Variants in RGS6 observed in about 807,000 individuals in gnomAD.
RGS6 encodes regulator of G protein signaling 6.
In RGS6, 30 loss-of-function variants were observed where a neutral mutation model predicts 78.5. The observed-to-expected ratio is 0.38, with a 90% CI of 0.29 to 0.52. The LOEUF (loss-of-function observed/expected upper bound fraction) is 0.52. RGS6 is among the 20% of genes least tolerant of loss of function. The pLI is 0.85. For missense variants in RGS6, 495 were observed against 609.7 expected (o/e 0.81, Z 1.98); for synonymous variants, 206 against 206.0 (o/e 1.00, Z 0.00).
chr14:72,171,235 CAAGAGGCACAT>C lies in RGS6; in HGVS notation c.85-180859_85-180849del, dbSNP rs562464430. ...ATGCGTACATATGCACAGACACACACAAGAGGCACATGTACACATGTATGGACCTGTGCATG... is the reference window on the plus strand; with the variant it reads ...ATGCGTACATATGCACAGACACACACGTACACATGTATGGACCTGTGCATG... On this transcript the variant is annotated intron_variant, in intron 2 of 17. Transcript: ENST00000553525. Among the ~76,000 whole-genome samples, 54 of 152,192 alleles carry C rather than the reference CAAGAGGCACAT, an allele frequency of 3.5e-4. No individual in the cohort carries two copies. In the South Asian group the frequency reaches 0.011, roughly 32 times the overall value.
intron 12 of RGS6, among the ~76,000 whole-genome samples, chr14:72,488,403 G>C (rs574855074): frequency 2.6e-5 from 4 of 152,082 alleles, no homozygotes; most frequent in African/African-American, 9.6e-5. Flanking sequence ...TCTTATGTTG[G>C]GTGGTCACAA....
At chr14:72,537,441 T>C (rs1438249223) in intron 16 of RGS6, 13 of 701,684 alleles carry the variant, frequency 1.9e-5, no homozygotes, top group Non-Finnish European at 3.4e-5. Flanking sequence ...GGCCATGGAG[T>C]CTGAGAAAGG....
chr14:72,210,776 C>G (rs1484728437), intron 2 of RGS6, among the ~76,000 whole-genome samples: 1 of 152,078 alleles, frequency 6.6e-6, no homozygotes, highest in Non-Finnish European at 1.5e-5. Flanking sequence ...TCTAAAACTG[C>G]TGGCTACTCT....
intron 2 of RGS6, among the ~76,000 whole-genome samples, chr14:72,092,000 C>T (rs2095282274): frequency 1.1e-5 from 1 of 93,630 alleles, no homozygotes; most frequent in South Asian, 4.2e-4. Context: ...ATAGCTTCAG[C>T]CTTTTGTTTT....
chr14:72,040,923 A>C (rs2092343920), intron 2 of RGS6, among the ~76,000 whole-genome samples: 1 of 152,124 alleles, frequency 6.6e-6, no homozygotes, highest in Admixed American at 6.6e-5. Flanking sequence ...GTTCTTTTTT[A>C]AAATAGTTTC....
intron 2 of RGS6, among the ~76,000 whole-genome samples, chr14:71,972,887 C>CT (rs1417729085): frequency 6.6e-6 from 1 of 152,086 alleles, no homozygotes; most frequent in African/African-American, 2.4e-5. Flanking sequence ...TTTCCCTAGG[C>CT]TATATCTGTG....
chr14:72,190,187 T>C (rs1323993941), intron 2 of RGS6, among the ~76,000 whole-genome samples: 1 of 152,196 alleles, frequency 6.6e-6, no homozygotes, highest in Non-Finnish European at 1.5e-5. Flanking sequence ...GGTTCCTCCC[T>C]GAGCCTCTCT....
intron 2 of RGS6, among the ~76,000 whole-genome samples, chr14:72,146,025 A>G (rs2096602432): frequency 6.6e-6 from 1 of 152,190 alleles, no homozygotes. Flanking sequence ...TTACGGTTCC[A>G]GAGGCTAAGA....
At chr14:72,321,290 G>C (rs2071938587) in intron 2 of RGS6, among the ~76,000 whole-genome samples, 1 of 151,632 alleles carries the variant, frequency 6.6e-6, no homozygotes, top group Non-Finnish European at 1.5e-5. Context: ...AGACCAAAGA[G>C]TAGAAGATTT....
chr14:72,362,746 CA>C (rs1253575232), intron 3 of RGS6, among the ~76,000 whole-genome samples: 15 of 152,198 alleles, frequency 9.9e-5, no homozygotes, highest in Admixed American at 9.8e-4. Flanking sequence ...AGGCAAATTA[CA>C]AGGCAAAGTC....
At chr14:72,619,878 T>C in the RGS6 span, 1 of 1,522,928 alleles carries the variant, frequency 6.6e-7, no homozygotes, top group South Asian at 1.2e-5. Flanking sequence ...GTTGCTGTTC[T>C]TATTGTTGAC....
intron 1 of RGS6, among the ~76,000 whole-genome samples, chr14:71,952,750 G>A (rs1269063945): frequency 6.6e-6 from 1 of 152,092 alleles, no homozygotes; most frequent in African/African-American, 2.4e-5. Context: ...GTCATTGAAA[G>A]GGTGCACCTT....
In RGS6 at chr14:72,342,127, G is replaced by A. The variant is rs192516071; in HGVS notation, c.85-9968G>A. Reference sequence around the variant, plus strand: ...GTGCTGGTTGAATTATTTGGGCTAGGTTGCCACATGGTGTTCCATGTACAA... The same window carrying A: ...GTGCTGGTTGAATTATTTGGGCTAGATTGCCACATGGTGTTCCATGTACAA... On this transcript the variant is annotated intron_variant, in intron 2 of 17. Coordinates refer to ENST00000553525, the MANE Select transcript of RGS6 (RefSeq NM_001204424.2). Among the ~76,000 whole-genome samples the A allele has an allele frequency of 1.2e-3, 190 of 152,302 alleles. 1 individual carries two copies. Among genetic ancestry groups the A allele is most frequent in the African/African-American group, 4.1e-3 (170 of 41,554 alleles).
chr14:71,971,886 C>A (rs562848526), intron 2 of RGS6, among the ~76,000 whole-genome samples: 2 of 144,800 alleles, frequency 1.4e-5, no homozygotes, highest in African/African-American at 2.6e-5. Flanking sequence ...CTCTCCATAT[C>A]GCAGCTCATA....
chr14:72,578,081 G>A, the RGS6 span, among the ~76,000 whole-genome samples: 2 of 152,268 alleles, frequency 1.3e-5, no homozygotes, highest in Non-Finnish European at 2.9e-5. Flanking sequence ...CTGATGCCTG[G>A]ATTCTCTTTC....
At chr14:71,937,186 T>C (rs2089598991) in intron 1 of RGS6, among the ~76,000 whole-genome samples, 1 of 152,206 alleles carries the variant, frequency 6.6e-6, no homozygotes, top group African/African-American at 2.4e-5. Flanking sequence ...TCTTAGCCTG[T>C]TGACTGAAAG....
intron 2 of RGS6, among the ~76,000 whole-genome samples, chr14:72,150,774 C>T (rs527738837): frequency 1.3e-4 from 20 of 152,214 alleles, no homozygotes; most frequent in African/African-American, 4.6e-4. Flanking sequence ...ACCAGGCCCT[C>T]CTCCACATTG....
At chr14:72,422,142 GCAC>G (rs1419017084) in intron 3 of RGS6, among the ~76,000 whole-genome samples, 2 of 152,154 alleles carry the variant, frequency 1.3e-5, no homozygotes, top group South Asian at 4.2e-4. Context: ...GACATGACTT[GCAC>G]CTCCTTGCCT....
the RGS6 span, among the ~76,000 whole-genome samples, chr14:72,625,913 C>T: frequency 2.6e-5 from 4 of 152,074 alleles, no homozygotes; most frequent in Non-Finnish European, 5.9e-5. Context: ...ATCTAGCATA[C>T]GTAGTTTCAG....
Sources: gnomAD v4.1 joint callset for allele counts (sites outside exome capture counted in the v4.1 genomes callset) on GRCh38, gnomAD v4.1.1 for gene constraint, MANE v1.5 for transcripts, NCBI Gene and HGNC (gene_info 2026-07-23, HGNC 2026-07-21) for gene names.